The following ITPR2 variants were observed in gnomAD, a reference collection of about 807,000 sequenced individuals.
The protein encoded by ITPR2 is inositol 1,4,5-trisphosphate-gated calcium channel ITPR2.
ITPR2 carries 207 observed loss-of-function variants against 317.1 expected under a neutral mutation model. The observed-to-expected ratio is 0.65, with a 90% confidence interval of 0.58 to 0.73. ITPR2 has a LOEUF of 0.73. ITPR2 is among the 30% of genes least tolerant of loss of function. ITPR2 has a pLI of 0.00. For missense variants in ITPR2, 2,613 were observed against 3,284.0 expected (o/e 0.80, Z 4.99); for synonymous variants, 1,156 against 1,149.1 (o/e 1.01, Z -0.12).
At chr12:26,712,109 A>G (rs2137024183) in intron 8 of ITPR2, among the ~76,000 whole-genome samples, 1 of 152,290 alleles carries the variant, frequency 6.6e-6, no homozygotes, top group South Asian at 2.1e-4. Context: ...TGTGAGTCTC[A>G]GGTCCACCAA....
chr12:26,643,633 CT>C (rs890029292), intron 21 of ITPR2, among the ~76,000 whole-genome samples: 1 of 152,114 alleles, frequency 6.6e-6, no homozygotes, highest in African/African-American at 2.4e-5. Context: ...TGAGGAACAT[CT>C]TACTGGAAAC....
chr12:26,584,361 A>G (rs1945470496), intron 32 of ITPR2, among the ~76,000 whole-genome samples: 1 of 152,218 alleles, frequency 6.6e-6, no homozygotes, highest in African/African-American at 2.4e-5. Context: ...CACCAGGAAC[A>G]ACTCTGTCTT....
chr12:26,435,227 C>A (rs1460883462), intron 48 of ITPR2, among the ~76,000 whole-genome samples: 1 of 152,154 alleles, frequency 6.6e-6, no homozygotes, highest in Non-Finnish European at 1.5e-5. Flanking sequence ...CTGAAATAGG[C>A]TGAAATACCT....
intron 26 of ITPR2, among the ~76,000 whole-genome samples, chr12:26,610,520 G>A (rs1385207973): frequency 6.6e-6 from 1 of 151,808 alleles, no homozygotes; most frequent in African/African-American, 2.4e-5. Context: ...GAAAAGGAAA[G>A]AGAAGGAAGG....
intron 6 of ITPR2, 106 bp from the exon 7 acceptor site, chr12:26,715,941 G>T: frequency 2.4e-6 from 2 of 849,164 alleles, no homozygotes; most frequent in Non-Finnish European, 1.9e-6. Flanking sequence ...TTTGGATAAT[G>T]AAGTATATAG....
At chr12:26,665,079 A>G (rs1947594101) in intron 14 of ITPR2, among the ~76,000 whole-genome samples, 1 of 152,232 alleles carries the variant, frequency 6.6e-6, no homozygotes, top group Non-Finnish European at 1.5e-5. Context: ...CCATATGTGC[A>G]TATCATTAGG....
chr12:26,561,888 C>T lies in ITPR2; in HGVS notation c.4695G>A (p.Lys1565=). The T allele has an allele frequency of 1.9e-6, 3 of 1,585,400 alleles. No homozygotes were observed. The highest frequency in any genetic ancestry group is 1.4e-5 in the African/African-American group (1 of 73,434). Reference sequence around the variant, plus strand: ...CTCTCTGCACCATATTTGAATGGCTCTTCATGAAAAGAGTATTAACTTGGC... The same window carrying T: ...CTCTCTGCACCATATTTGAATGGCTTTTCATGAAAAGAGTATTAACTTGGC... ...LDSQVNTLFM[K]SHSNMVQRAA... Residue 1565 remains lysine (K), a synonymous_variant, in exon 35 of 57, where the codon AAG becomes AAA. Coordinates refer to ENST00000381340, the MANE Select transcript of ITPR2 (RefSeq NM_002223.4).
At chr12:26,651,854 G>A (rs1018485342) in intron 21 of ITPR2, among the ~76,000 whole-genome samples, 9 of 151,984 alleles carry the variant, frequency 5.9e-5, no homozygotes, top group African/African-American at 2.2e-4. Context: ...TATGTCCATC[G>A]ATGTTTCAGG....
chr12:26,662,953 G>A (rs1456204882), intron 15 of ITPR2, among the ~76,000 whole-genome samples: 2 of 152,090 alleles, frequency 1.3e-5, no homozygotes, highest in African/African-American at 4.8e-5. Flanking sequence ...TTACAGGCTT[G>A]AGCCACGCCA....
chr12:26,742,053 G>A (rs779258258), intron 2 of ITPR2, among the ~76,000 whole-genome samples: 4 of 152,214 alleles, frequency 2.6e-5, no homozygotes, highest in Non-Finnish European at 5.9e-5. Context: ...CTGCAAGGGA[G>A]TGCCCACACC....
Position 26,721,280 on chromosome 12 carries a change from C to G in ITPR2, c.525+1117G>C, listed in dbSNP as rs1026002676. ...TCCTGCATGCCATGCTTCTACCAAACCTTACCAAAGGAAGATATCACCAGA... is the reference window on the plus strand; with the variant it reads ...TCCTGCATGCCATGCTTCTACCAAAGCTTACCAAAGGAAGATATCACCAGA... On this transcript the variant is annotated intron_variant, in intron 5 of 56. Coordinates refer to ENST00000381340, the MANE Select transcript of ITPR2 (RefSeq NM_002223.4). 3.9e-5 allele frequency: 23 copies of G among 586,570 alleles called. No homozygotes were observed. In the Admixed American group the frequency reaches 4.2e-4, roughly 11 times the overall value. 36.3% of individuals were successfully genotyped at this position (586,570 alleles called of 1,614,324 possible). A position where few individuals can be genotyped will look rare whatever the true frequency, so the allele number is the denominator to read the frequency against.
At chr12:26,596,848 T>C (rs1945858528) in intron 31 of ITPR2, 35 bp downstream of exon 31, 3 of 1,492,852 alleles carry the variant, frequency 2.0e-6, no homozygotes, top group African/African-American at 1.4e-5. Context: ...TTAATAATGA[T>C]TCTATTAGAG....
At position 26,614,181 on chromosome 12, in the gene ITPR2, C is replaced by T. The variant is rs528043101; in HGVS notation, c.3462+6942G>A. Reference sequence around the variant, plus strand: ...GAAAAGAAAGGACAACTCCCAGAGACCCCACCCTCCATCTTCTAAGGGAAA... The same window carrying T: ...GAAAAGAAAGGACAACTCCCAGAGATCCCACCCTCCATCTTCTAAGGGAAA... On this transcript the variant is annotated intron_variant, in intron 26 of 56. Coordinates refer to ENST00000381340, the MANE Select transcript of ITPR2 (RefSeq NM_002223.4). Among the ~76,000 whole-genome samples the T allele has an allele frequency of 2.6e-5, 4 of 152,128 alleles. No individual in the cohort carries two copies. In the South Asian group the frequency reaches 8.3e-4, roughly 32 times the overall value.
chr12:26,464,554 T>A (rs575424713), intron 45 of ITPR2, among the ~76,000 whole-genome samples: 2 of 152,218 alleles, frequency 1.3e-5, no homozygotes, highest in Non-Finnish European at 2.9e-5. Flanking sequence ...AGCCCGGGGG[T>A]TGGGGACCCC....
chr12:26,572,246 C>T (rs1945180016), intron 34 of ITPR2, among the ~76,000 whole-genome samples: 1 of 152,064 alleles, frequency 6.6e-6, no homozygotes, highest in Admixed American at 6.5e-5. Context: ...TTATGGGAGG[C>T]CATTGTTTTG....
chr12:26,398,328 T>C (rs12315424), intron 54 of ITPR2, among the ~76,000 whole-genome samples: 151,963 of 152,222 alleles, frequency 1, 75,852 homozygotes, highest in Non-Finnish European at 1. Context: ...GAGGCTGAGG[T>C]AGAAGAATCA....
At chr12:26,752,709 C>T (rs998535002) in intron 2 of ITPR2, among the ~76,000 whole-genome samples, 1 of 152,146 alleles carries the variant, frequency 6.6e-6, no homozygotes, top group Non-Finnish European at 1.5e-5. Flanking sequence ...TTTCACTTTA[C>T]GGACTCGCCC....
intron 55 of ITPR2, among the ~76,000 whole-genome samples, chr12:26,354,392 G>GA (rs969663907): frequency 3.3e-5 from 5 of 150,992 alleles, no homozygotes; most frequent in Admixed American, 6.6e-5. Flanking sequence ...TGCTCCTTTT[G>GA]AAAAAAAAAT....
At chr12:26,534,452 C>G (rs182365818) in intron 37 of ITPR2, among the ~76,000 whole-genome samples, 1 of 152,046 alleles carries the variant, frequency 6.6e-6, no homozygotes, top group Non-Finnish European at 1.5e-5. Context: ...CTCTTCTATT[C>G]TAAATATAAA....
Sources: gnomAD v4.1 joint callset for allele counts (sites outside exome capture counted in the v4.1 genomes callset) on GRCh38, gnomAD v4.1.1 for gene constraint, MANE v1.5 for transcripts, NCBI Gene and HGNC (gene_info 2026-07-23, HGNC 2026-07-21) for gene names.